Variants in RIPK1 observed in about 807,000 individuals in gnomAD.
RIPK1 encodes the protein receptor-interacting serine/threonine-protein kinase 1.
A neutral mutation model predicts 62.4 loss-of-function variants in RIPK1; 27 were observed. That is an observed-to-expected ratio of 0.43 (90% CI 0.32 to 0.60). The LOEUF (loss-of-function observed/expected upper bound fraction) is 0.60, where lower values mean the gene tolerates loss of function less well. Ranked by LOEUF, RIPK1 falls within the 20% of genes least tolerant of loss-of-function variation. RIPK1 has a pLI of 0.07. For synonymous variants in RIPK1, 287 were observed against 303.2 expected, an observed-to-expected ratio of 0.95 and a Z score of 0.55; for missense variants, 735 against 831.0, an observed-to-expected ratio of 0.88 and a Z score of 1.42.
chr6:3,112,686 A>G (rs1761224658), intron 10 of RIPK1, among the ~76,000 whole-genome samples: 1 of 152,158 alleles, frequency 6.6e-6, no homozygotes, highest in African/African-American at 2.4e-5. Flanking sequence ...ATGTGCCACC[A>G]TACCCAGCTA....
At position 3,105,332 on chromosome 6, in the gene RIPK1, G is replaced by A; in HGVS notation, c.1007-150G>A. On this transcript the variant is annotated intron_variant, in intron 8 of 10. Coordinates refer to ENST00000259808, the MANE Select transcript of RIPK1 (RefSeq NM_001354930.2). The surrounding 1 kb of genome is among the most constrained non-coding windows in gnomAD (Gnocchi z 4.5). ...CTATTATTATTTGTAAAGCTTGTGG[G>A]AAGAGGACCATCTCCTAAATGCTTT... The A allele has an allele frequency of 1.7e-6, 1 of 604,992 alleles. No homozygotes were observed. Among genetic ancestry groups the A allele is most frequent in the Non-Finnish European group, 2.9e-6 (1 of 343,376 alleles). 37.5% of individuals were successfully genotyped at this position (604,992 alleles called of 1,614,324 possible).
chr6:3,084,611 G>A (rs1025551479), intron 5 of RIPK1, among the ~76,000 whole-genome samples: 12 of 104,070 alleles, frequency 1.2e-4, no homozygotes, highest in South Asian at 5.8e-4. Context: ...TTTTTTTCCC[G>A]TGAGACAGAG....
At chr6:3,108,514 C>CG (rs1760979265) in intron 9 of RIPK1, among the ~76,000 whole-genome samples, 1 of 152,144 alleles carries the variant, frequency 6.6e-6, no homozygotes, top group South Asian at 2.1e-4. Context: ...GCGGTGAGCG[C>CG]AGACTGTGAG....
At chr6:3,109,087 G>C (rs781711546) in intron 9 of RIPK1, among the ~76,000 whole-genome samples, 1 of 152,118 alleles carries the variant, frequency 6.6e-6, no homozygotes, top group Non-Finnish European at 1.5e-5. Flanking sequence ...ATGTCATTGA[G>C]CCCATGCCCC....
chr6:3,102,768 T>C (rs1291165355), intron 7 of RIPK1, among the ~76,000 whole-genome samples: 2 of 151,902 alleles, frequency 1.3e-5, no homozygotes, highest in Non-Finnish European at 2.9e-5. Context: ...GCCCGGCTAG[T>C]TTTTTGTATT....
At chr6:3,082,148 G>A (rs1362893104) in intron 4 of RIPK1, among the ~76,000 whole-genome samples, 3 of 152,138 alleles carry the variant, frequency 2.0e-5, no homozygotes, top group African/African-American at 4.8e-5. Flanking sequence ...AAGGGGAAGC[G>A]GAAGGGGAAG....
At chr6:3,100,983 A>G (rs1760562632) in intron 7 of RIPK1, among the ~76,000 whole-genome samples, 1 of 152,234 alleles carries the variant, frequency 6.6e-6, no homozygotes, top group African/African-American at 2.4e-5. Flanking sequence ...AAATTAAAAT[A>G]ACAAAAATAC....
At chr6:3,074,548 G>T (rs570391094) in intron 1 of RIPK1, among the ~76,000 whole-genome samples, 1 of 152,222 alleles carries the variant, frequency 6.6e-6, no homozygotes, top group East Asian at 1.9e-4. Context: ...TGGAATTGCT[G>T]GGTCATAGTG....
At chr6:3,070,570 TG>T (rs970730559) in intron 1 of RIPK1, among the ~76,000 whole-genome samples, 55 of 152,252 alleles carry the variant, frequency 3.6e-4, no homozygotes, top group African/African-American at 1.2e-3. Flanking sequence ...CCCAAGAAGC[TG>T]GGATTGTAGG....
At chr6:3,077,085 G>C in intron 2 of RIPK1, 98 bp downstream of exon 2, 1 of 1,107,696 alleles carries the variant, frequency 9.0e-7, no homozygotes, top group Admixed American at 2.5e-5. Flanking sequence ...TTGGTGGGTA[G>C]AGTGAGAGGG....
intron 3 of RIPK1, among the ~76,000 whole-genome samples, chr6:3,079,305 C>T (rs556091175): frequency 1.3e-5 from 2 of 152,184 alleles, no homozygotes; most frequent in African/African-American, 4.8e-5. Context: ...GTCTCGAACT[C>T]CTGACCTCGT....
intron 5 of RIPK1, among the ~76,000 whole-genome samples, chr6:3,084,943 A>G (rs1183557568): frequency 6.6e-6 from 1 of 152,176 alleles, no homozygotes; most frequent in Admixed American, 6.5e-5. Context: ...CACTCTCATT[A>G]AACTGAGCTC....
chr6:3,077,746 C>T (rs1027097559), intron 2 of RIPK1, 33 bp from the exon 3 acceptor site: 2 of 1,610,016 alleles, frequency 1.2e-6, no homozygotes, highest in Non-Finnish European at 1.7e-6. Flanking sequence ...GCTGGCTCTG[C>T]CAGCCTCAGC....
chr6:3,095,961 CAGCCCCCTGAGGG>C (rs1760269796), intron 7 of RIPK1, among the ~76,000 whole-genome samples: 6 of 151,238 alleles, frequency 4.0e-5, no homozygotes, highest in Admixed American at 6.6e-5. Context: ...CCTCTCACCT[CAGCCCCCTGAGGG>C]ACCACAGGCA....
intron 1 of RIPK1, among the ~76,000 whole-genome samples, chr6:3,074,216 C>G: frequency 6.6e-6 from 1 of 152,346 alleles, no homozygotes; most frequent in South Asian, 2.1e-4. Flanking sequence ...ACCGTGCTCA[C>G]AGGCGGCCAG....
At chr6:3,106,578 T>C (rs568795752) in intron 9 of RIPK1, among the ~76,000 whole-genome samples, 1 of 152,288 alleles carries the variant, frequency 6.6e-6, no homozygotes, top group Non-Finnish European at 1.5e-5. Flanking sequence ...TATCCAGCAT[T>C]TTTATCAAAT....
At chr6:3,094,232 G>A (rs1482702741) in intron 7 of RIPK1, among the ~76,000 whole-genome samples, 1 of 152,050 alleles carries the variant, frequency 6.6e-6, no homozygotes, top group Non-Finnish European at 1.5e-5. Context: ...AGTAACTGCA[G>A]TGCACCTACC....
At chr6:3,070,360 T>C (rs1241974448) in intron 1 of RIPK1, among the ~76,000 whole-genome samples, 1 of 152,228 alleles carries the variant, frequency 6.6e-6, no homozygotes, top group African/African-American at 2.4e-5. Context: ...AGTTGGATAT[T>C]ACATTCTGGC....
intron 7 of RIPK1, among the ~76,000 whole-genome samples, chr6:3,094,046 GCGCGCCT>G (rs1760130321): frequency 7.0e-6 from 1 of 142,342 alleles, no homozygotes; most frequent in African/African-American, 2.8e-5. Context: ...AGTAACTGCA[GCGCGCCT>G]ACCTGCCGCA....
Sources: allele counts gnomAD v4.1 joint callset (sites outside exome capture counted in the v4.1 genomes callset), GRCh38; gene constraint gnomAD v4.1.1; non-coding constraint Gnocchi (gnomAD v3.1); transcripts MANE v1.5; gene names NCBI Gene and HGNC (gene_info 2026-07-23, HGNC 2026-07-21).